Variants in MCM9 observed in about 807,000 individuals in gnomAD.
The protein encoded by MCM9 is DNA helicase MCM9.
Under a neutral mutation model 72.8 loss-of-function variants are expected in MCM9, and 55 were observed. That is an observed-to-expected ratio of 0.76 (90% CI 0.61 to 0.95). The LOEUF is 0.95. Among genes scored for constraint, MCM9 ranks in the 40% least tolerant of loss-of-function variants. The pLI, the probability that MCM9 is intolerant of heterozygous loss-of-function variation, is 0.00. For synonymous variants in MCM9, 480 were observed against 503.4 expected, an observed-to-expected ratio of 0.95 and a Z score of 0.62; for missense variants, 1,279 against 1,377.0, an observed-to-expected ratio of 0.93 and a Z score of 1.13.
chr6:118,897,160 GA>G (rs1457570234), intron 8 of MCM9, among the ~76,000 whole-genome samples: 1 of 152,098 alleles, frequency 6.6e-6, no homozygotes, highest in African/African-American at 2.4e-5. Flanking sequence ...ATTTTGAAAA[GA>G]ATTTTCTTAA....
intron 2 of MCM9, 150 bp downstream of exon 2, chr6:118,932,457 G>T: frequency 3.8e-6 from 1 of 266,370 alleles, no homozygotes; most frequent in Non-Finnish European, 5.8e-6. Flanking sequence ...ATATCTTTTG[G>T]CTTAAGTCAG....
intron 9 of MCM9, 117 bp from the exon 10 acceptor site, chr6:118,829,367 A>G: frequency 1.2e-6 from 1 of 860,504 alleles, no homozygotes; most frequent in East Asian, 2.7e-5. Context: ...CTCCTATGAA[A>G]GAAAATGTAG....
rs59630533 is a variant in MCM9, at chr6:118,814,390, C to CA, written c.*433dup. The CA allele has an allele frequency of 0.018, 1,482 of 80,350 alleles. 11 individuals carry two copies. Among genetic ancestry groups the CA allele is most frequent in the Middle Eastern group, 0.037 (6 of 162 alleles). The allele number at this position is 80,350 out of a possible 1,614,324, so 5.0% of individuals were successfully genotyped here. A position where few individuals can be genotyped will look rare whatever the true frequency, so the allele number is the denominator to read the frequency against. On this transcript the variant is annotated 3_prime_UTR_variant, in exon 14 of 14. Transcript: ENST00000619706. ...ACTTAGCCCATTCCAGGTGAAAATA[C>CA]AAAAAAAAAAAAAAAAAGTAGAAAA...
At chr6:118,840,174 T>TA (rs1562405560) in intron 9 of MCM9, among the ~76,000 whole-genome samples, 1 of 150,988 alleles carries the variant, frequency 6.6e-6, no homozygotes, top group Non-Finnish European at 1.5e-5. Context: ...ATGTTATTTT[T>TA]TTTTTTTTCT....
chr6:118,815,423 C>T lies in MCM9; in HGVS notation c.2833G>A (p.Ala945Thr), dbSNP rs1324809058. The T allele has an allele frequency of 6.4e-7, 1 of 1,550,530 alleles. No homozygotes were observed. The highest frequency in any genetic ancestry group is 8.7e-7 in the Non-Finnish European group (1 of 1,146,956). Residue 945 changes from alanine to threonine, a missense_variant, in exon 14 of 14, where the codon GCA (alanine) becomes ACA (threonine). Ala to Thr is a moderately conservative substitution (Grantham distance 58). Transcript: ENST00000619706. ...FEDHSHVSPG[A>T]TKIAVHSPKI... ...GGACTATGAACTGCTATTTTAGTTG[C>T]ACCAGGTGACACATGGCTGTGATCT...
intron 8 of MCM9, chr6:118,900,926 G>C: frequency 7.6e-7 from 1 of 1,309,432 alleles, no homozygotes; most frequent in Non-Finnish European, 1.1e-6. Context: ...ATGTTTCGAA[G>C]TAGACTATAT....
At chr6:118,899,139 T>C (rs1583593409) in intron 8 of MCM9, among the ~76,000 whole-genome samples, 1 of 152,338 alleles carries the variant, frequency 6.6e-6, no homozygotes, top group East Asian at 1.9e-4. Flanking sequence ...CCATAATTTC[T>C]TGCCTCAATT....
At chr6:118,816,886 T>C (rs1773444546) in intron 13 of MCM9, among the ~76,000 whole-genome samples, 1 of 152,202 alleles carries the variant, frequency 6.6e-6, no homozygotes. Context: ...TGCCGCCTCC[T>C]GTACTCCCAT....
intron 8 of MCM9, among the ~76,000 whole-genome samples, chr6:118,864,603 T>C (rs1050403007): frequency 4.6e-5 from 7 of 152,192 alleles, no homozygotes; most frequent in African/African-American, 1.7e-4. Flanking sequence ...AGCTGAGGCA[T>C]AGGACCCTGC....
intron 8 of MCM9, among the ~76,000 whole-genome samples, chr6:118,894,924 G>T (rs985943486): frequency 1.3e-5 from 2 of 152,184 alleles, no homozygotes; most frequent in African/African-American, 4.8e-5. Context: ...CTGTGCGTGT[G>T]GTCGCGCCGG....
intron 3 of MCM9, among the ~76,000 whole-genome samples, chr6:118,926,586 A>G (rs1481912096): frequency 6.6e-6 from 1 of 152,226 alleles, no homozygotes; most frequent in African/African-American, 2.4e-5. Context: ...TTCAAGATTC[A>G]TTCCTGTTGT....
chr6:118,859,900 T>C (rs1036322643), intron 8 of MCM9, among the ~76,000 whole-genome samples: 1 of 152,154 alleles, frequency 6.6e-6, no homozygotes, highest in Non-Finnish European at 1.5e-5. Flanking sequence ...AGGGGGTGAA[T>C]ATGCAAAAAA....
At chr6:118,883,840 G>A (rs527945967) in intron 8 of MCM9, among the ~76,000 whole-genome samples, 1 of 152,166 alleles carries the variant, frequency 6.6e-6, no homozygotes, top group East Asian at 1.9e-4. Context: ...ACTAAAGGAG[G>A]TTCTTTAAGC....
At chr6:118,930,299 A>C (rs561948539) in intron 3 of MCM9, among the ~76,000 whole-genome samples, 1 of 152,020 alleles carries the variant, frequency 6.6e-6, no homozygotes, top group South Asian at 2.1e-4. Flanking sequence ...TTTTTTGTAG[A>C]GACGGGGTTT....
rs150149318 is a variant in MCM9, at chr6:118,931,498, A to C, written c.226T>G (p.Ser76Ala). The change falls in exon 3 of 14, where the codon TCA becomes GCA. Residue 76 changes from serine (S) to alanine (A), a missense_variant. Physicochemically the swap from Ser to Ala is moderately conservative, Grantham distance 99. Transcript: ENST00000619706. The part of the protein sequence containing the change: ...LTIFDSALRR[S>A]ALTILQSLSQ... ...AGGGACTGGAGAATTGTCAAGGCTG[A>C]CCTTCGCAGTGCACTATCAAAAATT... 1 of 1,614,054 alleles carries C rather than the reference A, an allele frequency of 6.2e-7. No individual in the cohort carries two copies. The highest frequency in any genetic ancestry group is 8.5e-7 in the Non-Finnish European group (1 of 1,180,040).
intron 8 of MCM9, among the ~76,000 whole-genome samples, chr6:118,862,815 T>C (rs891356814): frequency 4.6e-5 from 7 of 152,066 alleles, no homozygotes; most frequent in Non-Finnish European, 8.8e-5. Flanking sequence ...TCAGAAACCA[T>C]GCAAGCAAGA....
chr6:118,934,744 G>C (rs1002629185), intron 1 of MCM9, 147 bp downstream of exon 1: 3 of 152,364 alleles, frequency 2.0e-5, no homozygotes, highest in African/African-American at 4.8e-5. Context: ...GGCAGTCTCT[G>C]AGACTTCTGG....
chr6:118,930,118 T>TTTTAC (rs1782271120), intron 3 of MCM9, among the ~76,000 whole-genome samples: 1 of 151,776 alleles, frequency 6.6e-6, no homozygotes, highest in Non-Finnish European at 1.5e-5. Context: ...TTTTATTTTA[T>TTTTAC]TTTATTTTTT....
Position 118,813,874 on chromosome 6 carries a change from T to C in MCM9, c.*950A>G, listed in dbSNP as rs925829033. On this transcript the variant is annotated 3_prime_UTR_variant, in exon 14 of 14. Coordinates refer to ENST00000619706, the MANE Select transcript of MCM9 (RefSeq NM_017696.3). ...ATGAGACATGATGTTTGATTGAGACTACCACATAGTCTCTCTTCTTCATTT... is the reference window on the plus strand; with the variant it reads ...ATGAGACATGATGTTTGATTGAGACCACCACATAGTCTCTCTTCTTCATTT... 1 of 152,210 alleles carries C rather than the reference T, an allele frequency of 6.6e-6. No homozygotes were observed. Among genetic ancestry groups the C allele is most frequent in the Non-Finnish European group, 1.5e-5 (1 of 68,052 alleles). The allele number at this position is 152,210 out of a possible 1,614,324, so 9.4% of individuals were successfully genotyped here. A position where few individuals can be genotyped will look rare whatever the true frequency, so the allele number is the denominator to read the frequency against.
Sources: allele counts gnomAD v4.1 joint callset (sites outside exome capture counted in the v4.1 genomes callset), GRCh38; gene constraint gnomAD v4.1.1; transcripts MANE v1.5; gene names NCBI Gene and HGNC (gene_info 2026-07-23, HGNC 2026-07-21).